ABCC4: variants seen among roughly 807,000 people sequenced by gnomAD.
ABCC4 encodes the protein ATP binding cassette subfamily C member 4 (PEL blood group).
A neutral mutation model predicts 168.5 loss-of-function variants in ABCC4; 102 were observed. The ratio of observed to expected loss-of-function variants is 0.61; its 90% CI spans 0.52 to 0.71. ABCC4 has a LOEUF of 0.71. Among genes scored for constraint, ABCC4 ranks in the 30% least tolerant of loss-of-function variants. The pLI, the probability that ABCC4 is intolerant of heterozygous loss-of-function variation, is 0.00. For synonymous variants in ABCC4, 617 were observed against 590.7 expected (o/e 1.04, Z -0.65); for missense variants, 1,402 against 1,605.8 (o/e 0.87, Z 2.17).
In ABCC4 at chr13:95,058,733, C is replaced by T. The variant is rs561670166; in HGVS notation, c.3366+3971G>A. 2.0e-5 allele frequency among the ~76,000 whole-genome samples: 3 copies of T among 152,236 alleles called. No homozygotes were observed. The South Asian group carries it at 6.2e-4, about 32-fold the overall frequency. ...TCTACTACTTATTAGCTGTTCATCTCCAGGTAAGTTATTAATCTCCCTGAG... is the reference window on the plus strand; with the variant it reads ...TCTACTACTTATTAGCTGTTCATCTTCAGGTAAGTTATTAATCTCCCTGAG... On this transcript the variant is annotated intron_variant, in intron 26 of 30. Coordinates refer to ENST00000645237, the MANE Select transcript of ABCC4 (RefSeq NM_005845.5).
chr13:95,191,720 A>C (rs965778626), intron 9 of ABCC4, among the ~76,000 whole-genome samples: 1 of 152,226 alleles, frequency 6.6e-6, no homozygotes, highest in Non-Finnish European at 1.5e-5. Context: ...CAAAAGGATG[A>C]AAAAACACAA....
chr13:95,034,605 C>A lies in ABCC4; in HGVS notation c.3870G>T (p.Gln1290His). 1 of 1,612,524 alleles carries A rather than the reference C, an allele frequency of 6.2e-7. No individual in the cohort carries two copies. Among genetic ancestry groups the A allele is most frequent in the South Asian group, 1.1e-5 (1 of 90,938 alleles). The change falls in exon 30 of 31, where the codon CAG (glutamine) becomes CAT (histidine). Residue 1290 changes from glutamine to histidine, a missense_variant and splice_region_variant. Gln to His is a conservative substitution (Grantham distance 24). Coordinates refer to ENST00000645237, the MANE Select transcript of ABCC4 (RefSeq NM_005845.5). ...EAAALTETAK[Q>H]VYFKRNYPHI... ...TTACAACTCCTTGGAGCACGCTCAC[C>A]TGTTTTGCTGTTTCAGTGAGGGCAG...
At position 95,186,782 on chromosome 13, in the gene ABCC4, AG is replaced by A; in HGVS notation, c.1463del (p.Thr488IlefsTer2). ...VSQQPWVFSG[T>X]LRSNILFGKK... ...TCCCAAATAAAATATTACTCCTCAG[AG>A]TTCCCGAGAACACCCAGGGCTGCTG... is the stretch of plus-strand genomic sequence containing the variant. On this transcript the variant is annotated frameshift_variant, in exon 11 of 31. Transcript: ENST00000645237. LOFTEE classifies it high-confidence loss of function. The A allele has an allele frequency of 6.2e-7, 1 of 1,614,156 alleles. No homozygotes were observed. Among genetic ancestry groups the A allele is most frequent in the Non-Finnish European group, 8.5e-7 (1 of 1,180,012 alleles).
intron 20 of ABCC4, among the ~76,000 whole-genome samples, chr13:95,090,773 G>A (rs182793020): frequency 1.2e-4 from 19 of 152,264 alleles, no homozygotes; most frequent in Admixed American, 1.0e-3. Context: ...GATCCAAACT[G>A]AGAAGAAATC....
chr13:95,264,864 C>CTTT (rs55932446), intron 1 of ABCC4, among the ~76,000 whole-genome samples: 1 of 106,478 alleles, frequency 9.4e-6, no homozygotes, highest in African/African-American at 3.2e-5. Flanking sequence ...CTACAATCCA[C>CTTT]TTTTTTTTTT....
chr13:95,253,266 C>A (rs890882592), intron 1 of ABCC4, among the ~76,000 whole-genome samples: 17 of 152,300 alleles, frequency 1.1e-4, no homozygotes, highest in African/African-American at 3.1e-4. Context: ...CCTTTACCTA[C>A]GCTTAAATTT....
At chr13:95,156,299 A>G (rs1295522663) in intron 19 of ABCC4, among the ~76,000 whole-genome samples, 1 of 152,238 alleles carries the variant, frequency 6.6e-6, no homozygotes, top group African/African-American at 2.4e-5. Context: ...CAAAGACCCA[A>G]GCTATAAAAA....
At chr13:95,029,041 G>A (rs112976957) in intron 30 of ABCC4, among the ~76,000 whole-genome samples, 4,368 of 151,558 alleles carry the variant, frequency 0.029, 217 homozygotes, top group African/African-American at 0.1. Context: ...GGTGGTGGGC[G>A]CCTGTAATCC....
intron 24 of ABCC4, 113 bp from the exon 25 acceptor site, chr13:95,071,966 G>T: frequency 1.2e-6 from 1 of 808,216 alleles, no homozygotes; most frequent in Non-Finnish European, 1.8e-6. Flanking sequence ...AAGGAGAGAA[G>T]CAGGAGACAG....
chr13:95,083,979 A>G (rs955831256), intron 20 of ABCC4, among the ~76,000 whole-genome samples: 1 of 152,220 alleles, frequency 6.6e-6, no homozygotes, highest in Admixed American at 6.5e-5. Context: ...AGCAGGCATC[A>G]TAGACAAGGA....
At chr13:95,275,504 CTT>C (rs764058511) in intron 1 of ABCC4, among the ~76,000 whole-genome samples, 43 of 152,276 alleles carry the variant, frequency 2.8e-4, no homozygotes, top group Non-Finnish European at 5.0e-4. Flanking sequence ...CCCCCATCCC[CTT>C]GTTGGCTTTG....
chr13:95,195,464 C>T (rs2038386861), intron 8 of ABCC4, among the ~76,000 whole-genome samples: 1 of 152,220 alleles, frequency 6.6e-6, no homozygotes, highest in African/African-American at 2.4e-5. Flanking sequence ...AGCCCTGGCT[C>T]TGGCCAGTCA....
At chr13:95,159,582 T>A (rs1288059563) in intron 19 of ABCC4, among the ~76,000 whole-genome samples, 1 of 152,156 alleles carries the variant, frequency 6.6e-6, no homozygotes, top group Non-Finnish European at 1.5e-5. Context: ...CCGAGGCCTG[T>A]GATAACAGAA....
At chr13:95,116,572 C>T (rs1180697396) in intron 19 of ABCC4, among the ~76,000 whole-genome samples, 1 of 152,002 alleles carries the variant, frequency 6.6e-6, no homozygotes, top group African/African-American at 2.4e-5. Context: ...TTCAGATGTG[C>T]AAACAGTATG....
intron 12 of ABCC4, 25 bp downstream of exon 12, chr13:95,177,972 T>C (rs748161712): frequency 2.2e-5 from 36 of 1,611,058 alleles, no homozygotes; most frequent in African/African-American, 1.3e-4. Context: ...GACACCGGCA[T>C]AGTGGCTGCT....
intron 4 of ABCC4, among the ~76,000 whole-genome samples, chr13:95,226,392 C>G (rs919098940): frequency 6.6e-6 from 1 of 152,100 alleles, no homozygotes; most frequent in Admixed American, 6.6e-5. Context: ...ATCCATCTGA[C>G]TACTAAAGTA....
chr13:95,243,005 A>G (rs767784206), intron 3 of ABCC4, among the ~76,000 whole-genome samples: 13 of 152,260 alleles, frequency 8.5e-5, no homozygotes, highest in Non-Finnish European at 1.6e-4. Context: ...AATGAGCATC[A>G]TCCACTAGTC....
chr13:95,247,944 C>CACACACACACACA (rs2040154003), intron 1 of ABCC4, among the ~76,000 whole-genome samples, 191 bp from the exon 2 acceptor site: 1 of 20,718 alleles, frequency 4.8e-5, no homozygotes, highest in Non-Finnish European at 1.1e-4. Flanking sequence ...ACACACAGTC[C>CACACACACACACA]CTAGCTCTAT....
chr13:95,298,019 T>A (rs1334045820), intron 1 of ABCC4, among the ~76,000 whole-genome samples: 2 of 152,160 alleles, frequency 1.3e-5, no homozygotes, highest in Non-Finnish European at 2.9e-5. Context: ...CCAGGCACAG[T>A]GGCTCATGCC....
Sources: allele counts gnomAD v4.1 joint callset (sites outside exome capture counted in the v4.1 genomes callset), GRCh38; gene constraint gnomAD v4.1.1; transcripts MANE v1.5; gene names NCBI Gene and HGNC (gene_info 2026-07-23, HGNC 2026-07-21).